The following MAPK12 variants were observed in gnomAD, a reference collection of about 807,000 sequenced individuals.
MAPK12 encodes MAP kinase 12.
Under a neutral mutation model 49.1 loss-of-function variants are expected in MAPK12, and 49 were observed. That is an observed-to-expected ratio of 1.00 (90% CI 0.79 to 1.27). The LOEUF is 1.27. MAPK12 is among the 50% of genes most tolerant of loss of function. MAPK12 has a pLI of 0.00. For synonymous variants in MAPK12, 251 were observed against 209.7 expected, an observed-to-expected ratio of 1.20 and a Z score of -1.70; for missense variants, 554 against 502.4, an observed-to-expected ratio of 1.10 and a Z score of -0.98.
rs1028715009 is a variant in MAPK12 at position 50,253,322 on chromosome 22, G to A, written c.*79C>T. 1.9e-6 allele frequency: 2 copies of A among 1,073,146 alleles called. No homozygotes were observed. Among genetic ancestry groups the A allele is most frequent in the Non-Finnish European group, 2.8e-6 (2 of 711,352 alleles). The allele number at this position is 1,073,146 out of a possible 1,614,324, so 66.5% of individuals were successfully genotyped here. On this transcript the variant is annotated 3_prime_UTR_variant, in exon 12 of 12. Coordinates refer to ENST00000215659, the MANE Select transcript of MAPK12 (RefSeq NM_002969.6). The stretch of plus-strand genomic sequence containing the variant: ...GCCTTGGGATGCAAGCCCCAGCCAA[G>A]GTCAAGGTGGCAACGAGAGTCCCCT...
intron 3 of MAPK12, chr22:50,257,634 G>A: frequency 1.7e-6 from 1 of 575,800 alleles, no homozygotes; most frequent in Admixed American, 3.1e-5. Context: ...TGGGGGCGCG[G>A]CAAGGCATCT....
At chr22:50,257,511 G>A in intron 3 of MAPK12, 1 of 525,960 alleles carries the variant, frequency 1.9e-6, no homozygotes, top group Non-Finnish European at 3.4e-6. Context: ...GCTAGGGGCT[G>A]AGGCTCCATG....
At position 50,256,586 on chromosome 22, in the gene MAPK12, A is replaced by G. The variant is rs992141897; in HGVS notation, c.504+13T>C. The G allele has an allele frequency of 3.1e-6, 5 of 1,610,302 alleles. No homozygotes were observed. Among genetic ancestry groups the G allele is most frequent in the Non-Finnish European group, 4.2e-6 (5 of 1,178,446 alleles). On this transcript the variant is annotated intron_variant, in intron 6 of 11. Coordinates refer to ENST00000215659, the MANE Select transcript of MAPK12 (RefSeq NM_002969.6). ...CTGCCCCACCTCAGGGCCCCCTGCCAGGCAGCACACACCTTCAGCTCACAG... is the reference window on the plus strand; with the variant it reads ...CTGCCCCACCTCAGGGCCCCCTGCCGGGCAGCACACACCTTCAGCTCACAG...
Position 50,257,073 on chromosome 22 carries a change from G to C in MAPK12, c.426+9C>G, listed in dbSNP as rs761351901. On this transcript the variant is annotated intron_variant, in intron 4 of 11. Transcript: ENST00000215659. ...CCTGCCTCCCTGCAGCCTCCCCCGG[G>C]GCCCGTACCCTCAGCCCCTTCAGCA... is the stretch of plus-strand genomic sequence containing the variant. The C allele has an allele frequency of 1.2e-6, 2 of 1,611,304 alleles. No individual in the cohort carries two copies. The highest frequency in any genetic ancestry group is 8.5e-7 in the Non-Finnish European group (1 of 1,179,264).
Position 50,255,466 on chromosome 22 carries a change from A to T in MAPK12, c.837T>A (p.Asn279Lys), listed in dbSNP as rs2065139322. 2 of 1,613,158 alleles carry T rather than the reference A, an allele frequency of 1.2e-6. No individual in the cohort carries two copies. Among genetic ancestry groups the T allele is most frequent in the East Asian group, 2.2e-5 (1 of 44,876 alleles). Residue 279 changes from asparagine (N) to lysine (K), a missense_variant, in exon 10 of 12, where the codon AAT becomes AAA. Transcript: ENST00000215659. Reference sequence around the variant, plus strand: ...AGCCAGCCGTACCCAGAGGGCTTGCATTGGTCAGGATAGAGGCAAAATCCT... The same window carrying T: ...AGCCAGCCGTACCCAGAGGGCTTGCTTTGGTCAGGATAGAGGCAAAATCCT... ...EKKDFASILTNASPLAVNLLE... is the reference protein window; with the variant it reads ...EKKDFASILTKASPLAVNLLE...
intron 2 of MAPK12, 119 bp downstream of exon 2, chr22:50,261,048 A>C (rs1028438075): frequency 3.0e-5 from 37 of 1,239,906 alleles, no homozygotes; most frequent in Non-Finnish European, 3.9e-5. Context: ...CCACGGCCCG[A>C]CCCCCGCCCG....
intron 2 of MAPK12, among the ~76,000 whole-genome samples, chr22:50,259,586 G>A (rs1016957938): frequency 1.3e-5 from 2 of 152,158 alleles, no homozygotes; most frequent in African/African-American, 4.8e-5. Context: ...GGTGGCTAAA[G>A]AAAAGCCCCG....
intron 3 of MAPK12, 130 bp downstream of exon 3, chr22:50,258,113 G>T (rs892797042): frequency 2.4e-6 from 2 of 841,850 alleles, no homozygotes; most frequent in African/African-American, 1.7e-5. Context: ...TATGGGGAGG[G>T]GGTGGGCGGT....
chr22:50,261,003 A>C, intron 2 of MAPK12, 164 bp downstream of exon 2: 4 of 773,684 alleles, frequency 5.2e-6, no homozygotes, highest in Non-Finnish European at 7.5e-6. Flanking sequence ...TCTCCCAAGG[A>C]GAGACAGGCC....
intron 2 of MAPK12, 60 bp downstream of exon 2, chr22:50,261,107 A>G (rs1026108612): frequency 2.0e-6 from 3 of 1,473,166 alleles, no homozygotes; most frequent in Non-Finnish European, 2.7e-6. Context: ...GGGGGAACCC[A>G]GCCCAGCTGA....
rs1005503961 is a variant in MAPK12, at chr22:50,253,649, A to C, written c.1025-169T>G. On this transcript the variant is annotated intron_variant, in intron 11 of 11. Coordinates refer to ENST00000215659, the MANE Select transcript of MAPK12 (RefSeq NM_002969.6). ...TTGTGTGAAGAGGCCATTGCTCTAG[A>C]TCTGGATTTTCCAGGGAAAGGGGAG... 3.6e-5 allele frequency: 22 copies of C among 603,030 alleles called. No homozygotes were observed. The African/African-American group carries it at 3.9e-4, about 11-fold the overall frequency. The allele number at this position is 603,030 out of a possible 1,614,324, so 37.4% of individuals were successfully genotyped here.
chr22:50,255,578 G>GGCCCCCCCCCCCCCCCCCCCC, intron 9 of MAPK12, 37 bp downstream of exon 9: 7 of 1,581,876 alleles, frequency 4.4e-6, no homozygotes, highest in East Asian at 2.3e-5. Flanking sequence ...GCCCAGGTCC[G>GGCCCCCCCCCCCCCCCCCCCC]CCCCCACCCC....
In MAPK12 at chr22:50,255,816, T is replaced by C. The variant is rs751107042; in HGVS notation, c.685A>G (p.Ser229Gly). The change falls in exon 8 of 12, where the codon AGC (serine) becomes GGC (glycine). Residue 229 changes from serine (S) to glycine (G), a missense_variant. Transcript: ENST00000215659. ...CCCTGCGGCTGGAGGATACGGTCGC[T>C]GCCCTTGAACAGCGTCTTGCCTGTG... ...MITGKTLFKG[S>G]DHLDQLKEIM... 2 of 1,612,688 alleles carry C rather than the reference T, an allele frequency of 1.2e-6. No individual in the cohort carries two copies. The highest frequency in any genetic ancestry group is 3.3e-5 in the Admixed American group (2 of 60,026).
At position 50,255,514 on chromosome 22, in the gene MAPK12, C is replaced by G; in HGVS notation, c.789G>C (p.Lys263Asn). 1 of 1,613,206 alleles carries G rather than the reference C, an allele frequency of 6.2e-7. No individual in the cohort carries two copies. Residue 263 changes from lysine to asparagine, a missense_variant, in exon 10 of 12, where the codon AAG (lysine) becomes AAC (asparagine). By Grantham distance (94) the Lys-to-Asn change is moderately conservative (BLOSUM62 0). Coordinates refer to ENST00000215659, the MANE Select transcript of MAPK12 (RefSeq NM_002969.6). Reference sequence around the variant, plus strand: ...CCTTCTTCTCCAATTCGGGGAGGCCCTTCATGTAGTTCTTGGCCTGTGTGG... The same window carrying G: ...CCTTCTTCTCCAATTCGGGGAGGCCGTTCATGTAGTTCTTGGCCTGTGTGG... Reference protein sequence around the residue: ...LQSDEAKNYMKGLPELEKKDF... With the variant: ...LQSDEAKNYMNGLPELEKKDF...
intron 11 of MAPK12, 23 bp from the exon 12 acceptor site, chr22:50,253,503 C>CCA (rs2147253083): frequency 1.8e-5 from 13 of 711,904 alleles, no homozygotes; most frequent in South Asian, 3.3e-5. Context: ...GGGGGGCGGG[C>CCA]ACAACAGAGA....
chr22:50,255,113 C>T (rs771174278), intron 11 of MAPK12, 84 bp downstream of exon 11: 2 of 1,502,660 alleles, frequency 1.3e-6, no homozygotes, highest in Non-Finnish European at 8.9e-7. Flanking sequence ...CTACCCGGAG[C>T]CCCCAACTCA....
At chr22:50,256,262 G>C in intron 6 of MAPK12, 63 bp from the exon 7 acceptor site, 1 of 1,285,706 alleles carries the variant, frequency 7.8e-7, no homozygotes, top group South Asian at 1.3e-5. Context: ...GGCCACCCAC[G>C]GTCCAGGAGA....
chr22:50,257,426 C>A (rs1053016538), intron 3 of MAPK12: 1 of 576,596 alleles, frequency 1.7e-6, no homozygotes, highest in Non-Finnish European at 3.1e-6. Flanking sequence ...CCCCCTCCCA[C>A]CCTGAGGACT....
intron 6 of MAPK12, among the ~76,000 whole-genome samples, 193 bp downstream of exon 6, chr22:50,256,406 G>A (rs961969546): frequency 6.6e-6 from 1 of 152,200 alleles, no homozygotes; most frequent in African/African-American, 2.4e-5. Flanking sequence ...AGCAGCCCTC[G>A]GGACGGAGCA....
Sources: allele counts gnomAD v4.1 joint callset (sites outside exome capture counted in the v4.1 genomes callset), GRCh38; gene constraint gnomAD v4.1.1; transcripts MANE v1.5; gene names NCBI Gene and HGNC (gene_info 2026-07-23, HGNC 2026-07-21).